Variants in LUC7L2 observed in about 807,000 individuals in gnomAD.
The protein encoded by LUC7L2 is LUC7 like 2, pre-mRNA splicing factor, also known as putative RNA-binding protein Luc7-like 2.
LUC7L2 carries 25 observed loss-of-function variants against 52.8 expected under a neutral mutation model. That is an observed-to-expected ratio of 0.47 (90% CI 0.34 to 0.66). The LOEUF (loss-of-function observed/expected upper bound fraction) is 0.66. Among genes scored for constraint, LUC7L2 ranks in the 30% least tolerant of loss-of-function variants. LUC7L2 has a pLI of 0.01. For missense variants in LUC7L2, 328 were observed against 497.8 expected, an observed-to-expected ratio of 0.66 and a Z score of 3.25; for synonymous variants, 144 against 160.9, an observed-to-expected ratio of 0.89 and a Z score of 0.80.
intron 9 of LUC7L2, 122 bp downstream of exon 9, chr7:139,417,851 A>G (rs745668561): frequency 3.3e-4 from 442 of 1,327,110 alleles, no homozygotes; most frequent in Non-Finnish European, 4.1e-4. Context: ...ATCTGGTAAT[A>G]TGTACACATT....
intron 9 of LUC7L2, among the ~76,000 whole-genome samples, chr7:139,421,344 A>G (rs1454082610): frequency 6.6e-6 from 1 of 152,230 alleles, no homozygotes; most frequent in Non-Finnish European, 1.5e-5. Flanking sequence ...AACCAAATAA[A>G]TGTAATTTGT....
chr7:139,375,263 A>T, intron 1 of LUC7L2: 1 of 984,876 alleles, frequency 1.0e-6, no homozygotes, highest in Non-Finnish European at 1.2e-6. Context: ...AGCAGGTTGG[A>T]TGCTTCTGTT....
chr7:139,364,828 A>T (rs1055793992), intron 1 of LUC7L2, among the ~76,000 whole-genome samples: 1 of 152,226 alleles, frequency 6.6e-6, no homozygotes, highest in Non-Finnish European at 1.5e-5. Flanking sequence ...TTGACTTTTC[A>T]TCAACATTGA....
chr7:139,406,695 A>G (rs1202973449), intron 5 of LUC7L2, among the ~76,000 whole-genome samples: 4 of 151,914 alleles, frequency 2.6e-5, no homozygotes, highest in African/African-American at 9.7e-5. Context: ...CTTTTGGTAA[A>G]TTTGTCTTTC....
At chr7:139,360,690 A>T (rs1799830577) in intron 1 of LUC7L2, among the ~76,000 whole-genome samples, 1 of 152,174 alleles carries the variant, frequency 6.6e-6, no homozygotes, top group South Asian at 2.1e-4. Context: ...CACCCCCGAT[A>T]TAATTCCTTA....
chr7:139,392,524 G>C (rs925954958), intron 2 of LUC7L2: 3 of 284,872 alleles, frequency 1.1e-5, no homozygotes, highest in South Asian at 2.8e-5. Flanking sequence ...ATTCAGAATG[G>C]AGAAGACAAA....
chr7:139,357,983 T>G (rs1046703779), upstream of LUC7L2, among the ~76,000 whole-genome samples: 9 of 145,826 alleles, frequency 6.2e-5, no homozygotes, highest in African/African-American at 2.3e-4. Context: ...AGCCACTGCG[T>G]CCGACCTCAA....
At chr7:139,389,682 C>G (rs1328192372) in intron 2 of LUC7L2, among the ~76,000 whole-genome samples, 3 of 152,100 alleles carry the variant, frequency 2.0e-5, no homozygotes, top group Admixed American at 6.5e-5. Context: ...AAATATTGAG[C>G]TGTAATATAA....
In LUC7L2 at chr7:139,420,199, T is replaced by TAAGTA. The variant is rs1195897589; in HGVS notation, c.1002-1962_1002-1958dup. ...ATTACTTGGGTTCATTGGTTTAGGC[T>TAAGTA]AAGTAATTTATTTTTTTTTTTGAGA... On this transcript the variant is annotated intron_variant, in intron 9 of 9. Transcript: ENST00000354926. Among the ~76,000 whole-genome samples, 7 of 152,276 alleles carry TAAGTA rather than the reference T, an allele frequency of 4.6e-5. No homozygotes were observed. The South Asian group carries it at 8.3e-4, about 18-fold the overall frequency.
chr7:139,390,862 A>G (rs189177826), intron 2 of LUC7L2, among the ~76,000 whole-genome samples: 2 of 152,248 alleles, frequency 1.3e-5, no homozygotes, highest in East Asian at 1.9e-4. Flanking sequence ...GGCCTAGACA[A>G]TGTAGTTTTT....
At chr7:139,340,794 T>C (rs1488500157) in intron 1 of LUC7L2, among the ~76,000 whole-genome samples, 1 of 152,104 alleles carries the variant, frequency 6.6e-6, no homozygotes, top group African/African-American at 2.4e-5. Context: ...TTGTCCTTTT[T>C]TCCCCTTTCT....
chr7:139,406,893 G>A (rs1362242780), intron 5 of LUC7L2, among the ~76,000 whole-genome samples: 1 of 148,800 alleles, frequency 6.7e-6, no homozygotes, highest in Admixed American at 6.7e-5. Context: ...ATTGATTTCT[G>A]TTCATGTTTA....
intron 2 of LUC7L2, among the ~76,000 whole-genome samples, chr7:139,382,399 T>TA (rs1801078448): frequency 6.6e-6 from 1 of 151,488 alleles, no homozygotes; most frequent in African/African-American, 2.4e-5. Context: ...TTTATTTATT[T>TA]TTTGAGACAG....
At chr7:139,398,378 C>T (rs1033656157) in intron 2 of LUC7L2, among the ~76,000 whole-genome samples, 3 of 152,100 alleles carry the variant, frequency 2.0e-5, no homozygotes, top group Admixed American at 6.5e-5. Flanking sequence ...TTCTTAAATA[C>T]AAGTGATCCC....
chr7:139,365,999 A>G (rs1183936503), intron 1 of LUC7L2, among the ~76,000 whole-genome samples: 1 of 152,212 alleles, frequency 6.6e-6, no homozygotes, highest in Non-Finnish European at 1.5e-5. Context: ...ATTATTGAGG[A>G]TATAGAGAAA....
At chr7:139,384,778 T>G (rs1166839046) in intron 2 of LUC7L2, among the ~76,000 whole-genome samples, 1 of 152,086 alleles carries the variant, frequency 6.6e-6, no homozygotes, top group Non-Finnish European at 1.5e-5. Flanking sequence ...GGGGTCTCAC[T>G]GTGTTGTCCA....
At chr7:139,361,902 ATCT>A (rs761963631) in intron 1 of LUC7L2, among the ~76,000 whole-genome samples, 10 of 152,148 alleles carry the variant, frequency 6.6e-5, no homozygotes, top group East Asian at 1.9e-4. Flanking sequence ...CATTTTTGGG[ATCT>A]TCTTCATGGA....
intron 2 of LUC7L2, among the ~76,000 whole-genome samples, chr7:139,397,305 G>A (rs1794701921): frequency 2.0e-5 from 3 of 152,152 alleles, no homozygotes; most frequent in African/African-American, 4.8e-5. Context: ...CTTCAGAAAG[G>A]TCTTCTCTGA....
intron 2 of LUC7L2, among the ~76,000 whole-genome samples, chr7:139,387,032 G>T (rs572921929): frequency 1.3e-5 from 2 of 151,710 alleles, no homozygotes; most frequent in East Asian, 3.9e-4. Flanking sequence ...TAGAGACAGG[G>T]TTTCACCATG....
Sources: allele counts gnomAD v4.1 joint callset (sites outside exome capture counted in the v4.1 genomes callset), GRCh38; gene constraint gnomAD v4.1.1; transcripts MANE v1.5; gene names NCBI Gene and HGNC (gene_info 2026-07-23, HGNC 2026-07-21).